The following REEP1 variants were observed in gnomAD, a reference collection of about 807,000 sequenced individuals.
REEP1 encodes the protein receptor expression-enhancing protein 1.
In REEP1, 22 loss-of-function variants were observed where a neutral mutation model predicts 40.3. The ratio of observed to expected loss-of-function variants is 0.55; its 90% CI spans 0.39 to 0.78. REEP1 has a LOEUF of 0.78. Ranked by LOEUF, REEP1 falls within the 30% of genes least tolerant of loss-of-function variation. The probability of loss-of-function intolerance (pLI) is 0.00; values close to 1 mark genes in which losing one functional copy is unlikely to be tolerated. For synonymous variants in REEP1, 116 were observed against 139.2 expected (o/e 0.83, Z 1.17); for missense variants, 280 against 361.1 (o/e 0.78, Z 1.82).
chr2:86,274,659 T>A (rs911989211), intron 2 of REEP1, among the ~76,000 whole-genome samples: 1 of 152,142 alleles, frequency 6.6e-6, no homozygotes, highest in African/African-American at 2.4e-5. Flanking sequence ...CCCTGCAAGA[T>A]AGGGATGAGG....
chr2:86,230,815 C>T (rs867333785), intron 6 of REEP1, among the ~76,000 whole-genome samples: 2 of 152,070 alleles, frequency 1.3e-5, no homozygotes, highest in Non-Finnish European at 2.9e-5. Context: ...GGTCATGCGG[C>T]GAGCAAGTGG....
Position 86,281,559 on chromosome 2 carries a change from C to T in REEP1, c.105+611G>A, listed in dbSNP as rs149038883. Among the ~76,000 whole-genome samples the T allele has an allele frequency of 3.5e-3, 530 of 152,200 alleles. 3 individuals are homozygous for T. The highest frequency in any genetic ancestry group is 4.5e-3 in the Non-Finnish European group (304 of 68,008). On this transcript the variant is annotated intron_variant, in intron 2 of 8. Transcript: ENST00000538924. ...TGGAGAATCTCTTGAACCCGGGAGG[C>T]GGAGGTTGCAGTGAGCCGAGGTTGT...
At chr2:86,231,230 C>T (rs977877904) in intron 6 of REEP1, among the ~76,000 whole-genome samples, 4 of 151,946 alleles carry the variant, frequency 2.6e-5, no homozygotes, top group African/African-American at 9.7e-5. Flanking sequence ...GGATTCCATT[C>T]CTGGGGGGGG....
intron 2 of REEP1, among the ~76,000 whole-genome samples, chr2:86,276,130 T>C (rs189794626): frequency 1.6e-3 from 239 of 152,242 alleles, no homozygotes; most frequent in Non-Finnish European, 2.7e-3. Flanking sequence ...AGAGGTAGCA[T>C]ACAGGCTCAG....
chr2:86,227,088 C>T (rs1176597273), intron 7 of REEP1, among the ~76,000 whole-genome samples: 2 of 152,206 alleles, frequency 1.3e-5, no homozygotes, highest in African/African-American at 2.4e-5. Flanking sequence ...CCTCCAGTTT[C>T]GTCAAGCCCT....
chr2:86,274,858 A>G (rs753110998), intron 2 of REEP1, among the ~76,000 whole-genome samples: 3 of 152,202 alleles, frequency 2.0e-5, no homozygotes, highest in Admixed American at 6.5e-5. Context: ...AGCCACAGCA[A>G]GAAGCTCCAG....
At chr2:86,266,026 G>A (rs146594824) in intron 2 of REEP1, among the ~76,000 whole-genome samples, 30 of 152,272 alleles carry the variant, frequency 2.0e-4, no homozygotes, top group Non-Finnish European at 3.2e-4. Context: ...AATACTACAC[G>A]TGAGGGAATA....
At chr2:86,234,805 G>A (rs1675221112) in intron 5 of REEP1, among the ~76,000 whole-genome samples, 1 of 152,200 alleles carries the variant, frequency 6.6e-6, no homozygotes, top group African/African-American at 2.4e-5. Flanking sequence ...GAACAGCTGG[G>A]TGGTCTCTGC....
At chr2:86,271,063 G>A (rs554003124) in intron 2 of REEP1, among the ~76,000 whole-genome samples, 1 of 151,990 alleles carries the variant, frequency 6.6e-6, no homozygotes, top group Admixed American at 6.5e-5. Context: ...ATGGTGGTGA[G>A]TGCCTGTAGT....
intron 3 of REEP1, among the ~76,000 whole-genome samples, chr2:86,262,162 CTAT>C (rs1676894996): frequency 6.6e-6 from 1 of 152,220 alleles, no homozygotes; most frequent in Admixed American, 6.5e-5. Context: ...CTGGGTCCCC[CTAT>C]TTTTTTCTCT....
intron 3 of REEP1, among the ~76,000 whole-genome samples, chr2:86,262,995 T>C (rs1676944543): frequency 6.6e-6 from 1 of 152,218 alleles, no homozygotes; most frequent in Non-Finnish European, 1.5e-5. Context: ...AATATGGGTA[T>C]CAACTTAAAT....
intron 3 of REEP1, among the ~76,000 whole-genome samples, chr2:86,263,181 A>C (rs906266257): frequency 7.9e-5 from 12 of 152,330 alleles, no homozygotes; most frequent in African/African-American, 2.9e-4. Context: ...AAAAAAAAGA[A>C]GTGTGTGTAA....
chr2:86,337,394 A>C lies in REEP1; in HGVS notation c.32+85T>G, dbSNP rs1290175805. ...GGTATTAATAGCCCGAGCCACTGGG[A>C]CCGGGCGCTGTAGGGGCGCGCGCAG... On this transcript the variant is annotated intron_variant, in intron 1 of 8. Transcript: ENST00000538924. This position sits in a 1 kb window ranked among gnomAD's most constrained non-coding sequence, Gnocchi z 5.8. 2 of 911,958 alleles carry C rather than the reference A, an allele frequency of 2.2e-6. No homozygotes were observed. The highest frequency in any genetic ancestry group is 2.8e-6 in the Non-Finnish European group (2 of 708,288). 56.5% of individuals were successfully genotyped at this position (911,958 alleles called of 1,614,324 possible).
intron 1 of REEP1, among the ~76,000 whole-genome samples, chr2:86,307,489 G>A (rs745724111): frequency 1.2e-4 from 19 of 152,092 alleles, no homozygotes; most frequent in Non-Finnish European, 2.4e-4. Flanking sequence ...AGGGCTGGGT[G>A]CAGTGGCTCA....
chr2:86,223,875 G>A (rs1256481320), intron 7 of REEP1: 1 of 151,302 alleles, frequency 6.6e-6, no homozygotes, highest in African/African-American at 2.4e-5. Flanking sequence ...CCAGAGTTCA[G>A]TTCTATATGA....
chr2:86,267,730 G>T (rs568923858), intron 2 of REEP1, among the ~76,000 whole-genome samples: 2 of 151,990 alleles, frequency 1.3e-5, no homozygotes, highest in African/African-American at 4.8e-5. Flanking sequence ...AAACTGTTTT[G>T]CTTCAAAGGA....
chr2:86,229,800 C>T (rs917896088), intron 6 of REEP1, among the ~76,000 whole-genome samples: 2 of 151,784 alleles, frequency 1.3e-5, no homozygotes, highest in Non-Finnish European at 2.9e-5. Flanking sequence ...TTAGTAGAGA[C>T]GGGGTTTCTC....
chr2:86,306,974 G>A (rs188184290), intron 1 of REEP1, among the ~76,000 whole-genome samples: 16 of 152,032 alleles, frequency 1.1e-4, no homozygotes, highest in Non-Finnish European at 1.3e-4. Flanking sequence ...GGAGGCTGAG[G>A]TGGGCGGATC....
intron 5 of REEP1, among the ~76,000 whole-genome samples, chr2:86,237,601 C>T (rs894222229): frequency 2.0e-5 from 3 of 152,188 alleles, no homozygotes; most frequent in Non-Finnish European, 4.4e-5. Context: ...TGGCTCACTG[C>T]AACCTCTGCC....
Sources: gnomAD v4.1 joint callset for allele counts (sites outside exome capture counted in the v4.1 genomes callset) on GRCh38, gnomAD v4.1.1 for gene constraint, Gnocchi (gnomAD v3.1) non-coding constraint, MANE v1.5 for transcripts, NCBI Gene and HGNC (gene_info 2026-07-23, HGNC 2026-07-21) for gene names.